Variants in DCC observed in about 807,000 individuals in gnomAD.
DCC encodes the protein DCC netrin 1 receptor, also known as netrin receptor DCC.
DCC carries 58 observed loss-of-function variants against 172.5 expected under a neutral mutation model. That is an observed-to-expected ratio of 0.34 (90% CI 0.27 to 0.42). DCC has a LOEUF of 0.42. Among genes scored for constraint, DCC ranks in the 10% least tolerant of loss-of-function variants. The pLI, the probability that DCC is intolerant of heterozygous loss-of-function variation, is 1.00. For synonymous variants in DCC, 709 were observed against 644.5 expected, an observed-to-expected ratio of 1.10 and a Z score of -1.52; for missense variants, 1,740 against 1,791.0, an observed-to-expected ratio of 0.97 and a Z score of 0.51.
intron 5 of DCC, among the ~76,000 whole-genome samples, chr18:52,932,339 T>C (rs1395249460): frequency 6.6e-6 from 1 of 152,118 alleles, no homozygotes; most frequent in Non-Finnish European, 1.5e-5. Context: ...TCCATAAATG[T>C]TCTAGAGATT....
intron 5 of DCC, among the ~76,000 whole-genome samples, chr18:52,952,903 TG>T (rs2145552213): frequency 7.2e-6 from 1 of 138,824 alleles, no homozygotes; most frequent in South Asian, 2.2e-4. Context: ...GAGGCTGAGG[TG>T]GGAGAATTGA....
At chr18:52,729,395 G>A (rs1485816700) in intron 1 of DCC, among the ~76,000 whole-genome samples, 1 of 152,092 alleles carries the variant, frequency 6.6e-6, no homozygotes, top group Non-Finnish European at 1.5e-5. Context: ...GAGTAGCTGG[G>A]ATTACAGGTG....
intron 12 of DCC, among the ~76,000 whole-genome samples, chr18:53,272,163 G>T (rs555154889): frequency 6.6e-6 from 1 of 152,246 alleles, no homozygotes; most frequent in East Asian, 1.9e-4. Flanking sequence ...TGACTTGACT[G>T]ATCTGAGTCC....
chr18:53,389,444 T>A (rs1908401535), intron 16 of DCC, among the ~76,000 whole-genome samples: 1 of 152,192 alleles, frequency 6.6e-6, no homozygotes, highest in African/African-American at 2.4e-5. Flanking sequence ...GCTCTATATC[T>A]GCATCAGACA....
intron 1 of DCC, among the ~76,000 whole-genome samples, chr18:52,521,868 C>T (rs553513146): frequency 6.6e-6 from 1 of 152,124 alleles, no homozygotes; most frequent in Admixed American, 6.5e-5. Context: ...GCCTCTCCAG[C>T]CAAAGCAAAT....
At chr18:52,960,422 T>G (rs2040823659) in intron 5 of DCC, among the ~76,000 whole-genome samples, 1 of 152,190 alleles carries the variant, frequency 6.6e-6, no homozygotes, top group Non-Finnish European at 1.5e-5. Flanking sequence ...ACATTTTTAA[T>G]GTTGCTTTAG....
chr18:52,732,179 C>A (rs769782880), intron 1 of DCC, among the ~76,000 whole-genome samples: 25 of 152,000 alleles, frequency 1.6e-4, no homozygotes, highest in Non-Finnish European at 3.1e-4. Flanking sequence ...CCATACATAC[C>A]CACGAAGTGA....
intron 1 of DCC, among the ~76,000 whole-genome samples, chr18:52,522,687 G>A (rs889669844): frequency 1.1e-4 from 17 of 152,140 alleles, no homozygotes; most frequent in African/African-American, 4.1e-4. Flanking sequence ...TTGAAAGAAA[G>A]GATTGCAGTC....
In DCC at chr18:53,322,138, TC is replaced by T; in HGVS notation, c.2147del (p.Pro716GlnfsTer5). 1 of 1,555,938 alleles carries T rather than the reference TC, an allele frequency of 6.4e-7. No homozygotes were observed. Among genetic ancestry groups the T allele is most frequent in the Non-Finnish European group, 8.9e-7 (1 of 1,126,970 alleles). ...PPSNWYTAET[P>X]ENDLDESQVP... ...CTTCCAACTGGTATACTGCAGAGAC[TC>T]CAGAGAATGATCTAGATGGTAAGAC... On this transcript the variant is annotated frameshift_variant, in exon 14 of 29. Coordinates refer to ENST00000442544, the MANE Select transcript of DCC (RefSeq NM_005215.4). LOFTEE classifies it high-confidence loss of function.
chr18:53,353,354 C>T (rs1288009839), intron 15 of DCC, among the ~76,000 whole-genome samples: 2 of 150,778 alleles, frequency 1.3e-5, no homozygotes, highest in Non-Finnish European at 3.0e-5. Context: ...AACCCACCAA[C>T]GTTATATTCA....
intron 15 of DCC, among the ~76,000 whole-genome samples, chr18:53,367,375 T>G (rs1385556898): frequency 6.6e-6 from 1 of 152,144 alleles, no homozygotes; most frequent in African/African-American, 2.4e-5. Context: ...TTTGAGTTCT[T>G]TAATATATTT....
At chr18:53,068,250 A>G (rs540387938) in intron 7 of DCC, among the ~76,000 whole-genome samples, 28 of 152,088 alleles carry the variant, frequency 1.8e-4, no homozygotes, top group Non-Finnish European at 3.8e-4. Context: ...TGTGAGCCAC[A>G]CTTTTTTTCT....
chr18:52,602,963 T>A (rs1263920173), intron 1 of DCC, among the ~76,000 whole-genome samples: 1 of 152,110 alleles, frequency 6.6e-6, no homozygotes, highest in Non-Finnish European at 1.5e-5. Flanking sequence ...GGGCTTTTCC[T>A]ACCTATTGAT....
intron 12 of DCC, among the ~76,000 whole-genome samples, chr18:53,227,341 G>A (rs1290136144): frequency 6.6e-6 from 1 of 152,038 alleles, no homozygotes; most frequent in Non-Finnish European, 1.5e-5. Context: ...CTCATCAAAT[G>A]TCCACCAGCA....
chr18:52,449,000 A>G (rs1206758366), intron 1 of DCC, among the ~76,000 whole-genome samples: 1 of 152,242 alleles, frequency 6.6e-6, no homozygotes, highest in South Asian at 2.1e-4. Flanking sequence ...GGCAATTTAC[A>G]AAAGAAAGAA....
At chr18:52,565,526 C>T (rs983780868) in intron 1 of DCC, among the ~76,000 whole-genome samples, 5 of 152,162 alleles carry the variant, frequency 3.3e-5, no homozygotes, top group African/African-American at 9.6e-5. Context: ...TTTTAATGAT[C>T]GCCATTCTAA....
intron 5 of DCC, chr18:52,941,047 AATG>A (rs1336242766): frequency 6.6e-6 from 1 of 152,152 alleles, no homozygotes; most frequent in Non-Finnish European, 1.5e-5. Flanking sequence ...AGCACAGAAA[AATG>A]ATGGGTGAAA....
intron 1 of DCC, among the ~76,000 whole-genome samples, chr18:52,437,512 G>GTCC (rs1241793986): frequency 6.6e-6 from 1 of 152,196 alleles, no homozygotes; most frequent in Non-Finnish European, 1.5e-5. Flanking sequence ...AGAGACAGAT[G>GTCC]TCCTCAAAGG....
At chr18:52,414,107 T>A (rs1173729258) in intron 1 of DCC, among the ~76,000 whole-genome samples, 6 of 152,088 alleles carry the variant, frequency 3.9e-5, no homozygotes, top group Non-Finnish European at 1.5e-5. Context: ...TGAGATGGAG[T>A]TTAGCTCTTG....
Sources: gnomAD v4.1 joint callset for allele counts (sites outside exome capture counted in the v4.1 genomes callset) on GRCh38, gnomAD v4.1.1 for gene constraint, MANE v1.5 for transcripts, NCBI Gene and HGNC (gene_info 2026-07-23, HGNC 2026-07-21) for gene names.